Variants in LEPR observed in about 807,000 individuals in gnomAD.
LEPR encodes leptin receptor.
LEPR carries 56 observed loss-of-function variants against 114.7 expected under a neutral mutation model. That is an observed-to-expected ratio of 0.49 (90% CI 0.39 to 0.61). The LOEUF (loss-of-function observed/expected upper bound fraction) is 0.61, where lower values mean the gene tolerates loss of function less well. LEPR is among the 20% of genes least tolerant of loss of function. LEPR has a pLI of 0.00. For missense variants in LEPR, 1,202 were observed against 1,352.9 expected (o/e 0.89, Z 1.75); for synonymous variants, 443 against 461.4 (o/e 0.96, Z 0.51).
chr1:65,622,691 G>A (rs901798279), intron 18 of LEPR, among the ~76,000 whole-genome samples: 1 of 152,156 alleles, frequency 6.6e-6, no homozygotes, highest in Non-Finnish European at 1.5e-5. Flanking sequence ...CTTTCAATAA[G>A]TATTGGCTAT....
chr1:65,544,873 G>T (rs1368972519), intron 2 of LEPR, among the ~76,000 whole-genome samples: 1 of 150,780 alleles, frequency 6.6e-6, no homozygotes, highest in Non-Finnish European at 1.5e-5. Context: ...AGTTACATAT[G>T]TATACATGTG....
chr1:65,524,923 G>A (rs1649823400), intron 2 of LEPR, among the ~76,000 whole-genome samples: 1 of 152,148 alleles, frequency 6.6e-6, no homozygotes, highest in Non-Finnish European at 1.5e-5. Flanking sequence ...CATTTTGAGT[G>A]GAGGGCCGGA....
At chr1:65,569,356 G>T (rs1016680109) in intron 3 of LEPR, among the ~76,000 whole-genome samples, 4 of 152,130 alleles carry the variant, frequency 2.6e-5, no homozygotes, top group African/African-American at 9.6e-5. Flanking sequence ...TGCATCATTT[G>T]GGTAACTTAC....
chr1:65,420,771 G>A, intron 1 of LEPR, 31 bp downstream of exon 1: 1 of 1,571,554 alleles, frequency 6.4e-7, no homozygotes, highest in Non-Finnish European at 8.6e-7. Flanking sequence ...CGCTTGTCGT[G>A]TGGTGGGGTT....
chr1:65,437,866 A>G (rs1209070169), intron 2 of LEPR, among the ~76,000 whole-genome samples: 1 of 106,398 alleles, frequency 9.4e-6, no homozygotes, highest in Non-Finnish European at 1.9e-5. Context: ...GCTAGAGTGC[A>G]GTGGCAAGAT....
chr1:65,516,368 C>G (rs776374331), intron 2 of LEPR, among the ~76,000 whole-genome samples: 1 of 152,146 alleles, frequency 6.6e-6, no homozygotes, highest in Non-Finnish European at 1.5e-5. Flanking sequence ...CACTTGAACC[C>G]AGGAGGTGGA....
chr1:65,433,313 C>T (rs1046011), intron 2 of LEPR: 291,963 of 984,928 alleles, frequency 0.3, 45,261 homozygotes, highest in East Asian at 0.83. Flanking sequence ...GTCTTCCGTC[C>T]TGTAGGTCTT....
Position 65,636,282 on chromosome 1 carries a change from T to A in LEPR, c.2765T>A (p.Ile922Asn). 2 of 1,613,998 alleles carry A rather than the reference T, an allele frequency of 1.2e-6. No homozygotes were observed. The highest frequency in any genetic ancestry group is 1.7e-6 in the Non-Finnish European group (2 of 1,179,932). The change falls in exon 20 of 20, where the codon ATC (isoleucine) becomes AAC (asparagine). Residue 922 changes from isoleucine (I) to asparagine (N), a missense_variant. By Grantham distance (149) the Ile-to-Asn change is moderately radical. Transcript: ENST00000349533. Reference sequence around the variant, plus strand: ...GAGCCTGAAACAATTTCAGAAGATATCAGTGTTGATACATCATGGAAAAAT... The same window carrying A: ...GAGCCTGAAACAATTTCAGAAGATAACAGTGTTGATACATCATGGAAAAAT... ...LLEPETISED[I>N]SVDTSWKNKD...
At chr1:65,454,813 A>G (rs955153602) in intron 2 of LEPR, among the ~76,000 whole-genome samples, 1 of 152,038 alleles carries the variant, frequency 6.6e-6, no homozygotes, top group African/African-American at 2.4e-5. Flanking sequence ...GTATTTCCTG[A>G]ATCTGAATGT....
Position 65,598,712 on chromosome 1 carries a change from G to C in LEPR, c.902G>C (p.Gly301Ala). 6.2e-7 allele frequency: 1 copy of C among 1,613,492 alleles called. No homozygotes were observed. The highest frequency in any genetic ancestry group is 8.5e-7 in the Non-Finnish European group (1 of 1,179,622). Residue 301 changes from glycine (G) to alanine (A), a missense_variant, in exon 8 of 20, where the codon GGG (glycine) becomes GCG (alanine). Physicochemically the swap from Gly to Ala is moderately conservative, Grantham distance 60. Transcript: ENST00000349533. The stretch of plus-strand genomic sequence containing the variant: ...CTGCTAGTAGACAGTATACTTCCTG[G>C]GTCTTCGTATGAGGTTCAGGTGAGG... ...TSLLVDSILP[G>A]SSYEVQVRGK...
intron 2 of LEPR, among the ~76,000 whole-genome samples, chr1:65,472,575 A>G (rs1295676483): frequency 6.8e-6 from 1 of 147,430 alleles, no homozygotes; most frequent in Admixed American, 6.8e-5. Flanking sequence ...TGAAATATCA[A>G]TGCTCTCAGA....
Position 65,636,964 on chromosome 1 carries a change from TACTCAG to T in LEPR, c.3453_3458del (p.Gln1151_Thr1152del), listed in dbSNP as rs1243337971. On this transcript the variant is annotated inframe_deletion, in exon 20 of 20. Transcript: ENST00000349533. The stretch of plus-strand genomic sequence containing the variant: ...ACATGCCTCAATTCCAAACTTGTTC[TACTCAG>T]ACTCATAAGATCATGGAAAACAAGA... 6.2e-7 allele frequency: 1 copy of T among 1,611,786 alleles called. No homozygotes were observed. Among genetic ancestry groups the T allele is most frequent in the African/African-American group, 1.3e-5 (1 of 74,750 alleles).
At chr1:65,514,306 G>C (rs182318828) in intron 2 of LEPR, among the ~76,000 whole-genome samples, 15 of 152,028 alleles carry the variant, frequency 9.9e-5, no homozygotes, top group African/African-American at 3.6e-4. Context: ...GTCTAAATGA[G>C]TTACACGTTG....
chr1:65,468,818 A>G (rs1277175267), intron 2 of LEPR, among the ~76,000 whole-genome samples: 1 of 152,236 alleles, frequency 6.6e-6, no homozygotes, highest in African/African-American at 2.4e-5. Context: ...GCATCCAGCT[A>G]GGAAGTCTAA....
chr1:65,505,354 A>ATATG (rs1327794346), intron 2 of LEPR, among the ~76,000 whole-genome samples: 1 of 152,164 alleles, frequency 6.6e-6, no homozygotes, highest in East Asian at 1.9e-4. Context: ...AGAAAAAAGG[A>ATATG]TATGACATGC....
At chr1:65,476,899 C>T (rs1647165952) in intron 2 of LEPR, among the ~76,000 whole-genome samples, 1 of 152,170 alleles carries the variant, frequency 6.6e-6, no homozygotes, top group Non-Finnish European at 1.5e-5. Context: ...TTATATTTTA[C>T]TGTGCCTCAG....
At chr1:65,535,258 T>C (rs1287865592) in intron 2 of LEPR, among the ~76,000 whole-genome samples, 1 of 151,464 alleles carries the variant, frequency 6.6e-6, no homozygotes, top group Non-Finnish European at 1.5e-5. Context: ...AGAATTATGG[T>C]ATACTTATCA....
intron 2 of LEPR, among the ~76,000 whole-genome samples, chr1:65,468,162 C>T (rs1165219694): frequency 6.6e-6 from 1 of 152,124 alleles, no homozygotes; most frequent in Non-Finnish European, 1.5e-5. Flanking sequence ...TCCTATTTGG[C>T]CATCTTGGAA....
intron 14 of LEPR, among the ~76,000 whole-genome samples, chr1:65,612,273 T>G (rs1488591457): frequency 6.6e-6 from 1 of 152,228 alleles, no homozygotes; most frequent in Non-Finnish European, 1.5e-5. Context: ...TACAGAGAAT[T>G]CCTATGTATT....
Sources: allele counts gnomAD v4.1 joint callset (sites outside exome capture counted in the v4.1 genomes callset), GRCh38; gene constraint gnomAD v4.1.1; transcripts MANE v1.5; gene names NCBI Gene and HGNC (gene_info 2026-07-23, HGNC 2026-07-21).